The following HS6ST2 variants were observed in gnomAD, a reference collection of about 807,000 sequenced individuals.
HS6ST2 encodes the protein heparan-sulfate 6-O-sulfotransferase 2.
HS6ST2 carries 17 observed loss-of-function variants against 33.0 expected under a neutral mutation model. The ratio of observed to expected loss-of-function variants is 0.52; its 90% confidence interval spans 0.35 to 0.77. The LOEUF (loss-of-function observed/expected upper bound fraction) is 0.77. Among genes scored for constraint, HS6ST2 ranks in the 30% least tolerant of loss-of-function variants. The pLI is 0.01. For missense variants in HS6ST2, 519 were observed against 551.7 expected (o/e 0.94, Z 0.59); for synonymous variants, 248 against 237.1 (o/e 1.05, Z -0.42).
At chrX:132,924,264 C>G (rs1419806382) in intron 2 of HS6ST2, among the ~76,000 whole-genome samples, 2 of 111,438 alleles carry the variant, frequency 1.8e-5, no homozygotes, top group African/African-American at 6.5e-5. Flanking sequence ...GTCTTGAGAT[C>G]ATTAAAGTAT....
At chrX:132,928,253 A>C (rs984589995) in intron 2 of HS6ST2, among the ~76,000 whole-genome samples, 1 of 109,975 alleles carries the variant, frequency 9.1e-6, no homozygotes, top group Non-Finnish European at 1.9e-5. Flanking sequence ...CTGGGATTAC[A>C]GGCACACACC....
chrX:132,677,527 C>A (rs2063932639), intron 3 of HS6ST2, among the ~76,000 whole-genome samples: 1 of 112,199 alleles, frequency 8.9e-6, no homozygotes, highest in Non-Finnish European at 1.9e-5. Context: ...GACTGAAAAC[C>A]ATACCTGGTA....
intron 2 of HS6ST2, among the ~76,000 whole-genome samples, chrX:132,709,757 T>C (rs1400048840): frequency 9.4e-6 from 1 of 106,381 alleles, no homozygotes; most frequent in Non-Finnish European, 1.9e-5. Context: ...TATGATCCCT[T>C]CCACAAAATT....
chrX:132,671,447 T>A (rs1285824686), intron 3 of HS6ST2, among the ~76,000 whole-genome samples: 1 of 66,625 alleles, frequency 1.5e-5, no homozygotes. Context: ...ATTCATTCAC[T>A]TTTTTTTTTT....
chrX:132,811,989 T>C (rs1218772810), intron 2 of HS6ST2, among the ~76,000 whole-genome samples: 1 of 109,406 alleles, frequency 9.1e-6, no homozygotes, highest in Non-Finnish European at 1.9e-5. Context: ...ACTTTTAATT[T>C]TTTTGAGAAA....
chrX:132,864,633 C>T (rs1000525708), intron 2 of HS6ST2, among the ~76,000 whole-genome samples: 2 of 110,427 alleles, frequency 1.8e-5, no homozygotes, highest in Non-Finnish European at 3.8e-5. Flanking sequence ...TACACTTGAT[C>T]GGTGTACTTG....
intron 2 of HS6ST2, among the ~76,000 whole-genome samples, chrX:132,929,931 C>G (rs1462259813): frequency 9.0e-6 from 1 of 111,325 alleles, no homozygotes; most frequent in Non-Finnish European, 1.9e-5. Context: ...CCTCTTCCCC[C>G]AGAGACATCA....
chrX:132,913,547 G>A (rs766611278), intron 2 of HS6ST2, among the ~76,000 whole-genome samples: 1 of 111,614 alleles, frequency 9.0e-6, no homozygotes, highest in Non-Finnish European at 1.9e-5. Flanking sequence ...GGCTGAGTGT[G>A]GATCCTGTGG....
chrX:132,626,124 C>T lies in HS6ST2; in HGVS notation c.*2099G>A, dbSNP rs1261025022. ...TTTACAGTTGAAATCATGGGATTTA[C>T]ATAATGGCAAAAATGTATATGTATA... On this transcript the variant is annotated 3_prime_UTR_variant, in exon 5 of 5. Transcript: ENST00000370833. 1 of 106,610 alleles carries T rather than the reference C, an allele frequency of 9.4e-6. No homozygotes were observed. Among genetic ancestry groups the T allele is most frequent in the Non-Finnish European group, 2.0e-5 (1 of 50,854 alleles). 8.8% of individuals were successfully genotyped at this position (106,610 alleles called of 1,213,427 possible).
chrX:132,958,421 C>G lies in HS6ST2; in HGVS notation c.182G>C (p.Gly61Ala). 8.3e-7 allele frequency: 1 copy of G among 1,199,048 alleles called. No individual in the cohort carries two copies. Among genetic ancestry groups the G allele is most frequent in the Non-Finnish European group, 1.1e-6 (1 of 891,952 alleles). ...RAGPPRGVSH[G>A]FHTRPLLDKP... ...GTCCAGGAGCGGCCGGGTGTGGAAT[C>G]CGTGAGACACACCCCTAGGAGGGCC... Residue 61 changes from glycine (G) to alanine (A), a missense_variant, in exon 1 of 5, where the codon GGA becomes GCA. By Grantham distance (60) the Gly-to-Ala change is moderately conservative (BLOSUM62 0). Transcript: ENST00000370833.
At chrX:132,929,148 C>T (rs1454879916) in intron 2 of HS6ST2, among the ~76,000 whole-genome samples, 1 of 110,765 alleles carries the variant, frequency 9.0e-6, no homozygotes, top group African/African-American at 3.3e-5. Context: ...GAGTAGTAGA[C>T]TCAGTAACAT....
intron 2 of HS6ST2, among the ~76,000 whole-genome samples, chrX:132,737,321 C>T (rs1344776271): frequency 8.9e-6 from 1 of 111,776 alleles, no homozygotes; most frequent in Non-Finnish European, 1.9e-5. Context: ...CTTACGTATC[C>T]TAACATCTGC....
At position 132,628,319 on chromosome X, in the gene HS6ST2, G is replaced by A; in HGVS notation, c.1842C>T (p.Asn614=). 1.7e-6 allele frequency: 2 copies of A among 1,168,148 alleles called. No individual in the cohort carries two copies. The highest frequency in any genetic ancestry group is 1.9e-5 in the South Asian group (1 of 52,904). The change falls in exon 5 of 5, where the codon AAC becomes AAT. Residue 614 remains asparagine (N), a synonymous_variant. Transcript: ENST00000370833. ...CTGAGTTCTGCTTCGGGCTTTCCCGGTTCTCCTTCTGGCTCAAACTCTGAG... is the reference window on the plus strand; with the variant it reads ...CTGAGTTCTGCTTCGGGCTTTCCCGATTCTCCTTCTGGCTCAAACTCTGAG... ...NLTQSLSQKE[N]RESPKQNSGK...
intron 2 of HS6ST2, among the ~76,000 whole-genome samples, chrX:132,857,257 G>A (rs2065860556): frequency 8.9e-6 from 1 of 111,918 alleles, no homozygotes; most frequent in Non-Finnish European, 1.9e-5. Context: ...AGGCCAAGGC[G>A]GGTGGATCAC....
chrX:132,939,103 T>C (rs2066858885), intron 2 of HS6ST2, among the ~76,000 whole-genome samples: 1 of 110,809 alleles, frequency 9.0e-6, no homozygotes, highest in South Asian at 3.8e-4. Flanking sequence ...GTGACCTCAT[T>C]ATCACAGGGA....
chrX:132,934,300 A>C (rs2066803182), intron 2 of HS6ST2, among the ~76,000 whole-genome samples: 1 of 111,993 alleles, frequency 8.9e-6, no homozygotes, highest in African/African-American at 3.2e-5. Context: ...AGAAACAAAC[A>C]AACAGAACCA....
intron 2 of HS6ST2, among the ~76,000 whole-genome samples, chrX:132,883,775 A>T (rs759430505): frequency 1.8e-5 from 2 of 111,312 alleles, no homozygotes; most frequent in Non-Finnish European, 3.8e-5. Context: ...CTTAACTGAC[A>T]CCGTCTTGCT....
intron 2 of HS6ST2, among the ~76,000 whole-genome samples, chrX:132,797,532 C>G (rs1196527463): frequency 8.9e-6 from 1 of 112,171 alleles, no homozygotes; most frequent in Non-Finnish European, 1.9e-5. Flanking sequence ...ACTCTGAGTG[C>G]GAACAGAGGT....
chrX:132,904,177 T>C (rs2066450020), intron 2 of HS6ST2, among the ~76,000 whole-genome samples: 1 of 112,510 alleles, frequency 8.9e-6, no homozygotes, highest in Admixed American at 9.4e-5. Flanking sequence ...AAGTAATATC[T>C]AATTTACCAC....
Sources: allele counts gnomAD v4.1 joint callset (sites outside exome capture counted in the v4.1 genomes callset), GRCh38; gene constraint gnomAD v4.1.1; transcripts MANE v1.5; gene names NCBI Gene and HGNC (gene_info 2026-07-23, HGNC 2026-07-21).